The following WDPCP variants were observed in gnomAD, a reference collection of about 807,000 sequenced individuals.
The protein encoded by WDPCP is WD repeat-containing and planar cell polarity effector protein fritz homolog.
In WDPCP, 71 loss-of-function variants were observed where a neutral mutation model predicts 93.1. That is an observed-to-expected ratio of 0.76 (90% CI 0.63 to 0.93). WDPCP has a LOEUF of 0.93. Ranked by LOEUF, WDPCP falls within the 40% of genes least tolerant of loss-of-function variation. The pLI, the probability that WDPCP is intolerant of heterozygous loss-of-function variation, is 0.00. For synonymous variants in WDPCP, 315 were observed against 315.0 expected (o/e 1.00, Z 0.00); for missense variants, 844 against 887.4 (o/e 0.95, Z 0.62).
At chr2:63,798,077 G>A (rs1429317708) in intron 2 of WDPCP, among the ~76,000 whole-genome samples, 3 of 152,050 alleles carry the variant, frequency 2.0e-5, no homozygotes, top group Non-Finnish European at 2.9e-5. Context: ...TAATATACCT[G>A]GTGAAAATAT....
chr2:63,503,706 T>G lies in WDPCP; in HGVS notation c.76-10766A>C, dbSNP rs185014763. Among the ~76,000 whole-genome samples, 42 of 152,228 alleles carry G rather than the reference T, an allele frequency of 2.8e-4. No homozygotes were observed. In the East Asian group the frequency reaches 8.1e-3, roughly 29 times the overall value. On this transcript the variant is annotated intron_variant, in intron 1 of 17. Coordinates refer to ENST00000272321, the MANE Select transcript of WDPCP (RefSeq NM_015910.7). ...TATAAATATAATTTTATGCCATACT[T>G]GAATAAATTGAAAAAACGTAACTTT... is the stretch of plus-strand genomic sequence containing the variant.
chr2:63,309,771 T>C (rs1025018258), intron 13 of WDPCP, among the ~76,000 whole-genome samples: 1 of 152,026 alleles, frequency 6.6e-6, no homozygotes, highest in African/African-American at 2.4e-5. Context: ...GGGATGAAGT[T>C]ACAAATCAAT....
At chr2:63,817,647 T>G (rs1249462327) in intron 1 of WDPCP, among the ~76,000 whole-genome samples, 1 of 152,168 alleles carries the variant, frequency 6.6e-6, no homozygotes, top group Non-Finnish European at 1.5e-5. Flanking sequence ...GTTCAGTAGC[T>G]GTGACAGAGA....
Position 63,588,261 on chromosome 2 carries a change from T to C in WDPCP, c.11A>G (p.Glu4Gly), listed in dbSNP as rs1391058974. The C allele has an allele frequency of 1.7e-5, 26 of 1,574,538 alleles. No individual in the cohort carries two copies. The highest frequency in any genetic ancestry group is 2.2e-5 in the Non-Finnish European group (26 of 1,157,638). Residue 4 changes from glutamate (E) to glycine (G), a missense_variant, in exon 1 of 18, where the codon GAG becomes GGG. Glu to Gly is a moderately conservative substitution (Grantham distance 98). Coordinates refer to ENST00000272321, the MANE Select transcript of WDPCP (RefSeq NM_015910.7). MRR[E>G]FCWDAYSKAA... Reference sequence around the variant, plus strand: ...TTTGGAGTAGGCGTCCCAGCAAAACTCTCGCCTCATCACCAGACACTACCC... The same window carrying C: ...TTTGGAGTAGGCGTCCCAGCAAAACCCTCGCCTCATCACCAGACACTACCC...
At chr2:63,438,153 T>TA in intron 7 of WDPCP, 1 of 451,872 alleles carries the variant, frequency 2.2e-6, no homozygotes, top group Non-Finnish European at 3.3e-6. Context: ...CACAAGTAGG[T>TA]AAATAACTAA....
intron 12 of WDPCP, among the ~76,000 whole-genome samples, chr2:63,313,966 C>T (rs1179035602): frequency 1.4e-5 from 2 of 147,522 alleles, no homozygotes; most frequent in African/African-American, 2.5e-5. Context: ...ACTGCAACCT[C>T]CACCTCCCTG....
chr2:63,609,053 A>C (rs1220393301), intron 3 of WDPCP, among the ~76,000 whole-genome samples: 1 of 152,074 alleles, frequency 6.6e-6, no homozygotes, highest in Non-Finnish European at 1.5e-5. Context: ...ACATTTCTTT[A>C]CCAGCTGCTC....
chr2:63,462,481 C>T (rs1221136367), intron 6 of WDPCP, among the ~76,000 whole-genome samples: 1 of 152,032 alleles, frequency 6.6e-6, no homozygotes, highest in Non-Finnish European at 1.5e-5. Flanking sequence ...CACATGTACC[C>T]TAGAACTTAA....
chr2:63,760,340 G>A (rs1433576446), intron 2 of WDPCP, among the ~76,000 whole-genome samples: 1 of 152,024 alleles, frequency 6.6e-6, no homozygotes, highest in Non-Finnish European at 1.5e-5. Context: ...TTACAACTCT[G>A]TTCCAGGAGG....
At chr2:63,424,034 C>CA (rs2105372604) in intron 9 of WDPCP, among the ~76,000 whole-genome samples, 1 of 152,184 alleles carries the variant, frequency 6.6e-6, no homozygotes, top group African/African-American at 2.4e-5. Flanking sequence ...GACTGCTGAG[C>CA]ACCAGGACAG....
intron 10 of WDPCP, among the ~76,000 whole-genome samples, chr2:63,392,117 A>G (rs1376782321): frequency 4.6e-5 from 7 of 152,160 alleles, no homozygotes; most frequent in African/African-American, 1.2e-4. Context: ...GAGGCATCAC[A>G]CTACCTGACT....
At chr2:63,809,448 T>G (rs1670828202) in intron 2 of WDPCP, among the ~76,000 whole-genome samples, 1 of 152,124 alleles carries the variant, frequency 6.6e-6, no homozygotes. Flanking sequence ...ATGATGACAA[T>G]GGCGGTTTTG....
chr2:63,704,892 C>A (rs1232843015), intron 2 of WDPCP, among the ~76,000 whole-genome samples: 1 of 152,106 alleles, frequency 6.6e-6, no homozygotes, highest in Non-Finnish European at 1.5e-5. Context: ...CCTCCTTGTA[C>A]CTCTGGTAGA....
At chr2:63,177,008 G>T (rs1036329799) in intron 14 of WDPCP, among the ~76,000 whole-genome samples, 2 of 152,174 alleles carry the variant, frequency 1.3e-5, no homozygotes, top group African/African-American at 4.8e-5. Flanking sequence ...GTTTGTTGAA[G>T]AGATAGTTCC....
chr2:63,544,605 G>A (rs1482020668), intron 1 of WDPCP, among the ~76,000 whole-genome samples: 1 of 151,990 alleles, frequency 6.6e-6, no homozygotes, highest in African/African-American at 2.4e-5. Flanking sequence ...GGGCAAAAGC[G>A]ATAATGGTGT....
chr2:63,615,204 G>A (rs1027315938), intron 3 of WDPCP, among the ~76,000 whole-genome samples: 2 of 152,188 alleles, frequency 1.3e-5, no homozygotes, highest in Non-Finnish European at 2.9e-5. Context: ...CAGAGGTGGA[G>A]CTTCCTGGGT....
chr2:63,700,372 G>C lies in WDPCP; in HGVS notation n.309-49534C>G, dbSNP rs1669029644. Among the ~76,000 whole-genome samples, 2 of 151,148 alleles carry C rather than the reference G, an allele frequency of 1.3e-5. 1 individual carries two copies. Among genetic ancestry groups the C allele is most frequent in the South Asian group, 4.2e-4 (2 of 4,808 alleles). ...TTAGTACAGGCTCCAGGGAACTAGA[G>C]AAGTGGTAGTGGGAATGGAAAAGGT... On this transcript the variant is annotated intron_variant and non_coding_transcript_variant, in intron 2 of 4. Coordinates refer to the WDPCP transcript ENST00000467687.
chr2:63,534,308 T>C (rs1704095129), intron 1 of WDPCP, among the ~76,000 whole-genome samples: 1 of 152,218 alleles, frequency 6.6e-6, no homozygotes, highest in Admixed American at 6.5e-5. Flanking sequence ...CCATTCCTTC[T>C]GAAACTATTC....
At chr2:63,154,770 G>T (rs1672122836) in intron 15 of WDPCP, among the ~76,000 whole-genome samples, 1 of 152,126 alleles carries the variant, frequency 6.6e-6, no homozygotes, top group African/African-American at 2.4e-5. Context: ...GACAATGAAT[G>T]AGAGTTCAGT....
Sources: allele counts gnomAD v4.1 joint callset (sites outside exome capture counted in the v4.1 genomes callset), GRCh38; gene constraint gnomAD v4.1.1; transcripts MANE v1.5; gene names NCBI Gene and HGNC (gene_info 2026-07-23, HGNC 2026-07-21).